TTLL11: variants seen among roughly 807,000 people sequenced by gnomAD.
The protein encoded by TTLL11 is tubulin tyrosine ligase like 11.
TTLL11 carries 42 observed loss-of-function variants against 51.7 expected under a neutral mutation model. That is an observed-to-expected ratio of 0.81 (90% CI 0.64 to 1.05). The LOEUF is 1.05. Among genes scored for constraint, TTLL11 ranks in the 50% least tolerant of loss-of-function variants. The pLI is 0.00. For synonymous variants in TTLL11, 381 were observed against 383.5 expected, an observed-to-expected ratio of 0.99 and a Z score of 0.08; for missense variants, 799 against 940.4, an observed-to-expected ratio of 0.85 and a Z score of 1.97.
intron 7 of TTLL11, among the ~76,000 whole-genome samples, chr9:121,869,154 C>G (rs898935520): frequency 1.3e-5 from 2 of 151,800 alleles, no homozygotes; most frequent in African/African-American, 4.8e-5. Context: ...CTGAAACTAA[C>G]GCAAAGCCCT....
In TTLL11 at chr9:121,816,665, TGC is replaced by T. The variant is rs1836420098; in HGVS notation, c.*5920_*5921del. On this transcript the variant is annotated 3_prime_UTR_variant, in exon 9 of 9. Transcript: ENST00000321582. The stretch of plus-strand genomic sequence containing the variant: ...GCGCACATGCGTGTGTGTGCATGTG[TGC>T]GTGTGTGCATGCGTGTGCATCGTGT... 1 of 133,018 alleles carries T rather than the reference TGC, an allele frequency of 7.5e-6. No homozygotes were observed. The highest frequency in any genetic ancestry group is 6.9e-5 in the Admixed American group (1 of 14,452). The allele number at this position is 133,018 out of a possible 1,614,324, so 8.2% of individuals were successfully genotyped here.
At chr9:122,034,693 T>C (rs933899502) in intron 2 of TTLL11, among the ~76,000 whole-genome samples, 6 of 152,066 alleles carry the variant, frequency 3.9e-5, no homozygotes, top group African/African-American at 1.2e-4. Flanking sequence ...GGTGTGGGAG[T>C]GGCAACTTCT....
intron 1 of TTLL11, among the ~76,000 whole-genome samples, chr9:122,086,509 C>G (rs1290472104): frequency 6.6e-6 from 1 of 151,984 alleles, no homozygotes; most frequent in African/African-American, 2.4e-5. Flanking sequence ...ATTAGACTAC[C>G]CAATATTTCA....
intron 1 of TTLL11, among the ~76,000 whole-genome samples, chr9:122,083,662 T>G (rs1196782863): frequency 6.6e-6 from 1 of 152,014 alleles, no homozygotes; most frequent in Non-Finnish European, 1.5e-5. Context: ...ATACAAAAAT[T>G]AGCCAGGTGT....
intron 1 of TTLL11, among the ~76,000 whole-genome samples, chr9:122,092,135 TGATGA>T (rs10576773): frequency 0.083 from 12,599 of 152,078 alleles, 946 homozygotes; most frequent in African/African-American, 0.21. Context: ...GCTAACAAGA[TGATGA>T]GATAAGTATA....
rs905303174 is a variant in TTLL11, at chr9:121,822,447, G to A, written c.*140C>T. On this transcript the variant is annotated 3_prime_UTR_variant, in exon 9 of 9. Coordinates refer to ENST00000321582, the MANE Select transcript of TTLL11 (RefSeq NM_001139442.2). The surrounding 1 kb of genome is among the most constrained non-coding windows in gnomAD (Gnocchi z 5.8). ...CAGCCTGGTGAAGCACAGCTCAGCC[G>A]CACACAGAGACAGTTCGTGGGGACC... 1.9e-5 allele frequency: 15 copies of A among 771,214 alleles called. No homozygotes were observed. The highest frequency in any genetic ancestry group is 3.6e-5 in the Admixed American group (1 of 27,458). The allele number at this position is 771,214 out of a possible 1,614,324, so 47.8% of individuals were successfully genotyped here. A position where few individuals can be genotyped will look rare whatever the true frequency, so the allele number is the denominator to read the frequency against.
rs75084589 is a variant in TTLL11 at position 121,964,820 on chromosome 9, G to A, written c.1481+9189C>T. On this transcript the variant is annotated intron_variant, in intron 6 of 8. Coordinates refer to ENST00000321582, the MANE Select transcript of TTLL11 (RefSeq NM_001139442.2). ...ACTCACGCTTTAAACCTCAGGTCAAGTGCCACCTCCTTGTCAGTTTTTAAA... is the reference window on the plus strand; with the variant it reads ...ACTCACGCTTTAAACCTCAGGTCAAATGCCACCTCCTTGTCAGTTTTTAAA... Among the ~76,000 whole-genome samples the A allele has an allele frequency of 4.2e-3, 644 of 152,148 alleles. 3 individuals carry two copies. The highest frequency in any genetic ancestry group is 0.015 in the African/African-American group (607 of 41,494).
intron 8 of TTLL11, among the ~76,000 whole-genome samples, chr9:121,852,830 T>C (rs1300002780): frequency 6.6e-6 from 1 of 152,146 alleles, no homozygotes; most frequent in African/African-American, 2.4e-5. Context: ...AGGGCACACA[T>C]CCAGAGAGGC....
At chr9:121,963,188 A>T (rs546762422) in intron 6 of TTLL11, among the ~76,000 whole-genome samples, 1 of 152,316 alleles carries the variant, frequency 6.6e-6, no homozygotes, top group Admixed American at 6.5e-5. Context: ...ATATGTGAAC[A>T]TTTACTACCA....
At chr9:121,839,682 C>T (rs913280608) in intron 8 of TTLL11, among the ~76,000 whole-genome samples, 9 of 152,192 alleles carry the variant, frequency 5.9e-5, no homozygotes, top group East Asian at 1.9e-4. Flanking sequence ...AATTGGAAGA[C>T]GGGCAAATTG....
chr9:121,965,515 G>T (rs1268493353), intron 6 of TTLL11, among the ~76,000 whole-genome samples: 2 of 152,100 alleles, frequency 1.3e-5, no homozygotes, highest in Admixed American at 6.6e-5. Flanking sequence ...CCTCCCACCA[G>T]GTCTTGTGGG....
At chr9:122,092,395 T>C (rs960529142) in intron 1 of TTLL11, among the ~76,000 whole-genome samples, 1 of 151,954 alleles carries the variant, frequency 6.6e-6, no homozygotes, top group Non-Finnish European at 1.5e-5. Flanking sequence ...CGTACACATA[T>C]CTACAAGCAG....
intron 8 of TTLL11, among the ~76,000 whole-genome samples, chr9:121,858,392 C>A (rs1837893223): frequency 6.6e-6 from 1 of 152,186 alleles, no homozygotes; most frequent in African/African-American, 2.4e-5. Context: ...TCAGTTTCCT[C>A]CTCTGCACAA....
intron 6 of TTLL11, among the ~76,000 whole-genome samples, chr9:121,887,609 C>G (rs1360949976): frequency 2.6e-5 from 4 of 152,200 alleles, no homozygotes; most frequent in African/African-American, 4.8e-5. Flanking sequence ...AGCTCGGTGT[C>G]CCGTGTGAGA....
rs1268145489 is a variant in TTLL11 at position 121,820,694 on chromosome 9, C to T, written c.*1893G>A. On this transcript the variant is annotated 3_prime_UTR_variant, in exon 9 of 9. Transcript: ENST00000321582. The stretch of plus-strand genomic sequence containing the variant: ...GGAGCAGCATTACAGACCTGCCCTA[C>T]TACCTGGGGAACTGAGCCGATGACA... 1.3e-5 allele frequency among the ~76,000 whole-genome samples: 2 copies of T among 152,064 alleles called. No individual in the cohort carries two copies. Among genetic ancestry groups the T allele is most frequent in the Non-Finnish European group, 2.9e-5 (2 of 68,012 alleles).
intron 3 of TTLL11, among the ~76,000 whole-genome samples, chr9:122,022,436 G>A (rs902526652): frequency 1.3e-5 from 2 of 151,928 alleles, no homozygotes; most frequent in African/African-American, 4.8e-5. Context: ...GAAGAAAACA[G>A]ATTTCTTTTC....
chr9:121,998,435 C>T lies in TTLL11; in HGVS notation c.694-8665G>A, dbSNP rs544396987. On this transcript the variant is annotated intron_variant, in intron 3 of 8. Transcript: ENST00000321582. Reference sequence around the variant, plus strand: ...CCGAGTAGCTGGGATTACAGGCACCCGCCACCACATTCGGCTAATTTTTGT... The same window carrying T: ...CCGAGTAGCTGGGATTACAGGCACCTGCCACCACATTCGGCTAATTTTTGT... Among the ~76,000 whole-genome samples, 534 of 152,010 alleles carry T rather than the reference C, an allele frequency of 3.5e-3. 3 individuals are homozygous for T. The highest frequency in any genetic ancestry group is 0.012 in the African/African-American group (500 of 41,464).
intron 6 of TTLL11, among the ~76,000 whole-genome samples, chr9:121,906,339 A>AC (rs10661179): frequency 1.4e-5 from 2 of 142,756 alleles, no homozygotes; most frequent in African/African-American, 2.9e-5. Flanking sequence ...TTATGTAATA[A>AC]TTTTTAAAAA....
intron 6 of TTLL11, among the ~76,000 whole-genome samples, chr9:121,922,764 T>TGTGTGTGC (rs1840589006): frequency 1.3e-5 from 2 of 151,310 alleles, no homozygotes; most frequent in African/African-American, 4.9e-5. Flanking sequence ...CTATTCAGTG[T>TGTGTGTGC]GTGTGTGTGT....
Sources: gnomAD v4.1 joint callset for allele counts (sites outside exome capture counted in the v4.1 genomes callset) on GRCh38, gnomAD v4.1.1 for gene constraint, Gnocchi (gnomAD v3.1) non-coding constraint, MANE v1.5 for transcripts, NCBI Gene and HGNC (gene_info 2026-07-23, HGNC 2026-07-21) for gene names.